The following HADHB variants were observed in gnomAD, a reference collection of about 807,000 sequenced individuals.
The protein encoded by HADHB is hydroxyacyl-CoA dehydrogenase trifunctional multienzyme complex subunit beta.
HADHB carries 50 observed loss-of-function variants against 61.9 expected under a neutral mutation model. The observed-to-expected ratio is 0.81, with a 90% confidence interval of 0.64 to 1.02. The LOEUF (loss-of-function observed/expected upper bound fraction) is 1.02, where lower values mean the gene tolerates loss of function less well. Ranked by LOEUF, HADHB falls within the 50% of genes least tolerant of loss-of-function variation. The pLI is 0.00. For missense variants in HADHB, 504 were observed against 586.5 expected, an observed-to-expected ratio of 0.86 and a Z score of 1.45; for synonymous variants, 191 against 201.6, an observed-to-expected ratio of 0.95 and a Z score of 0.45.
In HADHB at chr2:26,284,197, C is replaced by T. The variant is rs774703599; in HGVS notation, c.1142C>T (p.Ala381Val). The T allele has an allele frequency of 4.6e-6, 7 of 1,536,934 alleles. No homozygotes were observed. In the South Asian group the frequency reaches 7.8e-5, roughly 17 times the overall value. Reference protein sequence around the residue: ...NDIDAFEFHEAFSGQILANFK... With the variant: ...NDIDAFEFHEVFSGQILANFK... ...ATTGATGCTTTTGAATTTCATGAAG[C>T]TTTCTCGGTAAGTAATTTGAAAGAC... Residue 381 changes from alanine (A) to valine (V), a missense_variant, in exon 13 of 16, where the codon GCT (alanine) becomes GTT (valine). Physicochemically the swap from Ala to Val is moderately conservative, Grantham distance 64 (BLOSUM62 0). Coordinates refer to ENST00000317799, the MANE Select transcript of HADHB (RefSeq NM_000183.3).
chr2:26,271,210 TA>T (rs1276623856), intron 5 of HADHB, among the ~76,000 whole-genome samples: 68 of 140,546 alleles, frequency 4.8e-4, no homozygotes, highest in South Asian at 7.0e-4. Context: ...TTCTCTAGCT[TA>T]AAAAAAAAAA....
At chr2:26,282,728 A>G in intron 10 of HADHB, 117 bp from the exon 11 acceptor site, 1 of 737,298 alleles carries the variant, frequency 1.4e-6, no homozygotes, top group Admixed American at 2.0e-5. Context: ...GTTGTTATAT[A>G]GAATCACTGT....
chr2:26,277,001 T>G (rs1055397220), intron 6 of HADHB, 72 bp from the exon 7 acceptor site: 2 of 803,612 alleles, frequency 2.5e-6, no homozygotes, highest in Non-Finnish European at 4.5e-6. Context: ...CTATGAAGAT[T>G]AGTGCTCAAA....
chr2:26,275,844 A>C (rs1325245143), intron 6 of HADHB, among the ~76,000 whole-genome samples: 2 of 152,112 alleles, frequency 1.3e-5, no homozygotes, highest in African/African-American at 4.8e-5. Flanking sequence ...GGTAAAAATC[A>C]GTTAAGAGAC....
intron 3 of HADHB, among the ~76,000 whole-genome samples, chr2:26,262,119 C>G (rs1671890567): frequency 1.3e-5 from 2 of 152,132 alleles, no homozygotes. Flanking sequence ...TTAACTCTCA[C>G]TAATATTTCT....
At position 26,279,323 on chromosome 2, in the gene HADHB, G is replaced by T; in HGVS notation, c.811+8G>T. 1 of 1,589,548 alleles carries T rather than the reference G, an allele frequency of 6.3e-7. No homozygotes were observed. The highest frequency in any genetic ancestry group is 8.6e-7 in the Non-Finnish European group (1 of 1,157,710). ...TACCCTTCAAAGTACCAGGTGAAATGAAATGCTTCATGACACTTATTAGGG... is the reference window on the plus strand; with the variant it reads ...TACCCTTCAAAGTACCAGGTGAAATTAAATGCTTCATGACACTTATTAGGG... On this transcript the variant is annotated splice_region_variant and intron_variant, in intron 9 of 15. Transcript: ENST00000317799.
At chr2:26,285,021 A>G (rs1672968465) in intron 14 of HADHB, 64 bp downstream of exon 14, 1 of 849,132 alleles carries the variant, frequency 1.2e-6, no homozygotes, top group East Asian at 2.4e-5. Flanking sequence ...GATCTTAGTT[A>G]CCTGTTCTTA....
chr2:26,282,384 C>A (rs1270592102), intron 10 of HADHB, among the ~76,000 whole-genome samples: 2 of 151,680 alleles, frequency 1.3e-5, no homozygotes, highest in Non-Finnish European at 2.9e-5. Flanking sequence ...CCTCAGCCTC[C>A]CAAGTAGCTG....
intron 3 of HADHB, chr2:26,261,313 G>A (rs1671857263): frequency 2.4e-6 from 1 of 416,884 alleles, no homozygotes. Context: ...TGGGAGAACA[G>A]GCATTGCAGA....
intron 3 of HADHB, among the ~76,000 whole-genome samples, chr2:26,258,135 C>G (rs907462276): frequency 6.6e-6 from 1 of 152,156 alleles, no homozygotes; most frequent in Non-Finnish European, 1.5e-5. Flanking sequence ...ACTGAGCCTC[C>G]GAAACGGAGG....
At chr2:26,251,608 C>A (rs1245382362) in intron 1 of HADHB, among the ~76,000 whole-genome samples, 1 of 152,208 alleles carries the variant, frequency 6.6e-6, no homozygotes, top group Non-Finnish European at 1.5e-5. Context: ...TAGCCCAGAC[C>A]CTTGTGGCAT....
intron 3 of HADHB, chr2:26,260,920 T>A: frequency 1.3e-6 from 1 of 793,626 alleles, no homozygotes; most frequent in Non-Finnish European, 2.1e-6. Context: ...AACCTGTTCT[T>A]CCTCATGGCA....
At chr2:26,274,149 G>A (rs1420152427) in intron 6 of HADHB, among the ~76,000 whole-genome samples, 3 of 152,182 alleles carry the variant, frequency 2.0e-5, no homozygotes, top group Non-Finnish European at 4.4e-5. Flanking sequence ...TTGTTAGCTG[G>A]AAGTAGCCTT....
At chr2:26,248,385 CT>C (rs879639890) in intron 1 of HADHB, among the ~76,000 whole-genome samples, 242 of 144,818 alleles carry the variant, frequency 1.7e-3, no homozygotes, top group Middle Eastern at 0.014. Context: ...TTGAGTATTT[CT>C]TTTTTTTTTT....
intron 10 of HADHB, among the ~76,000 whole-genome samples, 169 bp from the exon 11 acceptor site, chr2:26,282,676 A>G (rs1672840735): frequency 6.6e-6 from 1 of 152,214 alleles, no homozygotes; most frequent in Non-Finnish European, 1.5e-5. Context: ...CAGCGTGTGT[A>G]TGTTTGAATT....
intron 15 of HADHB, among the ~76,000 whole-genome samples, chr2:26,286,813 G>GTT (rs1201781156): frequency 1.1e-4 from 11 of 103,528 alleles, no homozygotes; most frequent in African/African-American, 1.2e-4. Context: ...GCCTGTTTTT[G>GTT]TTTTTTTTTT....
At chr2:26,258,930 G>A (rs1671751411) in intron 3 of HADHB, among the ~76,000 whole-genome samples, 2 of 152,138 alleles carry the variant, frequency 1.3e-5, no homozygotes, top group South Asian at 4.1e-4. Context: ...GTTTAAAGGT[G>A]GGTGCAGTCA....
chr2:26,248,209 G>A (rs1378687841), intron 1 of HADHB, among the ~76,000 whole-genome samples: 1 of 152,084 alleles, frequency 6.6e-6, no homozygotes, highest in African/African-American at 2.4e-5. Flanking sequence ...ATTTTTCCAT[G>A]TCAGTATATA....
At chr2:26,274,358 T>A (rs1672460036) in intron 6 of HADHB, among the ~76,000 whole-genome samples, 1 of 152,230 alleles carries the variant, frequency 6.6e-6, no homozygotes, top group African/African-American at 2.4e-5. Flanking sequence ...GGGCTGTGTT[T>A]TCATTTAAAA....
Sources: gnomAD v4.1 joint callset for allele counts (sites outside exome capture counted in the v4.1 genomes callset) on GRCh38, gnomAD v4.1.1 for gene constraint, MANE v1.5 for transcripts, NCBI Gene and HGNC (gene_info 2026-07-23, HGNC 2026-07-21) for gene names.